Variants in FAM47E observed in about 807,000 individuals in gnomAD.
The protein encoded by FAM47E is family with sequence similarity 47 member E.
In FAM47E, 32 loss-of-function variants were observed where a neutral mutation model predicts 41.6. That is an observed-to-expected ratio of 0.77 (90% CI 0.58 to 1.03). FAM47E has a LOEUF of 1.03. FAM47E is among the 50% of genes least tolerant of loss of function. The pLI, the probability that FAM47E is intolerant of heterozygous loss-of-function variation, is 0.00. For synonymous variants in FAM47E, 184 were observed against 188.7 expected (o/e 0.98, Z 0.20); for missense variants, 424 against 485.4 (o/e 0.87, Z 1.19).
intron 1 of FAM47E, among the ~76,000 whole-genome samples, chr4:76,217,200 A>C (rs12498835): frequency 6.6e-6 from 1 of 152,186 alleles, no homozygotes; most frequent in Non-Finnish European, 1.5e-5. Flanking sequence ...CTTGCCAGCC[A>C]CTAATAACCC....
At chr4:76,248,082 A>G (rs1431380698), upstream of FAM47E, among the ~76,000 whole-genome samples, 1 of 150,710 alleles carries the variant, frequency 6.6e-6, no homozygotes, top group Admixed American at 6.6e-5. Context: ...GCCTGGCTAA[A>G]TTTTTGTATT....
At chr4:76,229,015 C>T (rs753809728) in intron 2 of FAM47E, among the ~76,000 whole-genome samples, 2 of 152,066 alleles carry the variant, frequency 1.3e-5, no homozygotes, top group African/African-American at 4.8e-5. Flanking sequence ...ATTTCATGGA[C>T]GCTTTATTCA....
At chr4:76,243,363 ACCT>A (rs781085252) in intron 2 of FAM47E, among the ~76,000 whole-genome samples, 1 of 151,680 alleles carries the variant, frequency 6.6e-6, no homozygotes, top group Non-Finnish European at 1.5e-5. Flanking sequence ...TTTTGACAAC[ACCT>A]CCTGCTTTAT....
At chr4:76,254,328 T>C (rs1734098304) in intron 1 of FAM47E, among the ~76,000 whole-genome samples, 1 of 152,132 alleles carries the variant, frequency 6.6e-6, no homozygotes, top group African/African-American at 2.4e-5. Flanking sequence ...ATGAGTTAGT[T>C]GTAAATGTGC....
At chr4:76,265,995 C>T (rs557942322) in intron 3 of FAM47E, among the ~76,000 whole-genome samples, 1 of 152,224 alleles carries the variant, frequency 6.6e-6, no homozygotes, top group Non-Finnish European at 1.5e-5. Context: ...TCCACCACTC[C>T]ACTGACCTGA....
At position 76,240,706 on chromosome 4, in the gene FAM47E, T is replaced by C. The variant is rs1219634488; in HGVS notation, c.82-22998T>C. 3.3e-5 allele frequency among the ~76,000 whole-genome samples: 5 copies of C among 152,320 alleles called. No individual in the cohort carries two copies. The South Asian group carries it at 1.0e-3, about 32-fold the overall frequency. Reference sequence around the variant, plus strand: ...AAGTTTTTTTAACTTTCAGCTATTGTACTTTTTAGTTCCAGAAAATTTCTG... The same window carrying C: ...AAGTTTTTTTAACTTTCAGCTATTGCACTTTTTAGTTCCAGAAAATTTCTG... On this transcript the variant is annotated intron_variant, in intron 2 of 7. Transcript: ENST00000510197.
At chr4:76,263,946 C>CCGGGCGCGGTGGCTCACGCCTGT in intron 3 of FAM47E, 103 bp downstream of exon 3, 30 of 1,443,182 alleles carry the variant, frequency 2.1e-5, no homozygotes, top group Non-Finnish European at 2.7e-5. Flanking sequence ...TCTAATGAAG[C>CCGGGCGCGGTGGCTCACGCCTGT]AAATGTAACT....
chr4:76,280,438 T>C, intron 7 of FAM47E, 97 bp downstream of exon 7: 1 of 665,384 alleles, frequency 1.5e-6, no homozygotes, highest in South Asian at 2.1e-5. Context: ...CCCAAATAGT[T>C]CTCTTACAGG....
At chr4:76,229,519 T>G (rs191307330) in intron 2 of FAM47E, among the ~76,000 whole-genome samples, 1 of 152,336 alleles carries the variant, frequency 6.6e-6, no homozygotes, top group East Asian at 1.9e-4. Context: ...CAGATTCTTT[T>G]GTCCTATAGG....
chr4:76,237,141 C>G (rs1198338503), intron 2 of FAM47E, among the ~76,000 whole-genome samples: 6 of 151,896 alleles, frequency 4.0e-5, no homozygotes, highest in Admixed American at 3.9e-4. Context: ...GTGATCCACC[C>G]GCCCCGGCCT....
chr4:76,225,665 T>C (rs576514757), intron 2 of FAM47E, among the ~76,000 whole-genome samples: 1 of 152,212 alleles, frequency 6.6e-6, no homozygotes, highest in South Asian at 2.1e-4. Flanking sequence ...TTGTTTTTAA[T>C]TCTGTTGATG....
chr4:76,217,589 A>C (rs1163959590), exon 2 of FAM47E: 2 of 529,968 alleles, frequency 3.8e-6, no homozygotes, highest in Non-Finnish European at 6.8e-6. Context: ...GAGTGGAAGC[A>C]GCCTGAGGCC....
intron 2 of FAM47E, among the ~76,000 whole-genome samples, chr4:76,261,951 C>T (rs1048376570): frequency 3.2e-4 from 49 of 152,248 alleles, no homozygotes; most frequent in African/African-American, 1.2e-3. Context: ...TAAATTAAAG[C>T]TGCATCTGCC....
chr4:76,253,923 G>A (rs1271772356), intron 1 of FAM47E, among the ~76,000 whole-genome samples: 1 of 151,928 alleles, frequency 6.6e-6, no homozygotes, highest in Non-Finnish European at 1.5e-5. Flanking sequence ...ACCAGCCTGG[G>A]CAACATAGCA....
chr4:76,236,090 G>T (rs1423164550), intron 2 of FAM47E, among the ~76,000 whole-genome samples: 1 of 152,146 alleles, frequency 6.6e-6, no homozygotes, highest in Non-Finnish European at 1.5e-5. Flanking sequence ...ATCAAAAGTG[G>T]CTTGGAGAGA....
chr4:76,256,412 G>A lies in FAM47E; in HGVS notation c.309G>A (p.Lys103=). 1 of 1,552,382 alleles carries A rather than the reference G, an allele frequency of 6.4e-7. No individual in the cohort carries two copies. The highest frequency in any genetic ancestry group is 8.7e-7 in the Non-Finnish European group (1 of 1,147,474). The change falls in exon 2 of 8, where the codon AAG becomes AAA. Residue 103 remains lysine (K), a synonymous_variant. Coordinates refer to ENST00000424749, the MANE Select transcript of FAM47E (RefSeq NM_001136570.3). Reference sequence around the variant, plus strand: ...TCAAGGAAGCAGACGTGCTTTCCAAGCTCTCGCCAGCCCAGCAGGCTCGGA... The same window carrying A: ...TCAAGGAAGCAGACGTGCTTTCCAAACTCTCGCCAGCCCAGCAGGCTCGGA... ...KLLKEADVLS[K]LSPAQQARKA... is the part of the protein sequence containing the mutation.
At chr4:76,236,124 T>C (rs980075138) in intron 2 of FAM47E, 9 of 152,228 alleles carry the variant, frequency 5.9e-5, no homozygotes, top group Non-Finnish European at 1.3e-4. Context: ...TTTGTGTTTT[T>C]TTTTAGTTGT....
intron 2 of FAM47E, among the ~76,000 whole-genome samples, chr4:76,235,642 A>T (rs1733573672): frequency 6.6e-6 from 1 of 152,230 alleles, no homozygotes; most frequent in South Asian, 2.1e-4. Flanking sequence ...AAGAGAGATC[A>T]ACCTGTTAAG....
At chr4:76,216,933 G>A (rs1397625954) in intron 1 of FAM47E, among the ~76,000 whole-genome samples, 3 of 152,178 alleles carry the variant, frequency 2.0e-5, no homozygotes, top group Admixed American at 1.3e-4. Context: ...TATCACCGAG[G>A]CTGGCATAAC....
Sources: allele counts gnomAD v4.1 joint callset (sites outside exome capture counted in the v4.1 genomes callset), GRCh38; gene constraint gnomAD v4.1.1; transcripts MANE v1.5; gene names NCBI Gene and HGNC (gene_info 2026-07-23, HGNC 2026-07-21).